PDGFC: variants seen among roughly 807,000 people sequenced by gnomAD.
PDGFC encodes the protein platelet derived growth factor C, also known as platelet-derived growth factor C.
PDGFC carries 12 observed loss-of-function variants against 35.5 expected under a neutral mutation model. That is an observed-to-expected ratio of 0.34 (90% CI 0.22 to 0.55). The LOEUF is 0.55. PDGFC is among the 20% of genes least tolerant of loss of function. The pLI is 0.91. For missense variants in PDGFC, 322 were observed against 412.4 expected (o/e 0.78, Z 1.90); for synonymous variants, 159 against 148.8 (o/e 1.07, Z -0.50).
At chr4:156,795,284 G>A (rs1200893250) in intron 3 of PDGFC, among the ~76,000 whole-genome samples, 1 of 150,428 alleles carries the variant, frequency 6.6e-6, no homozygotes, top group Non-Finnish European at 1.5e-5. Context: ...GTTAAGTCAG[G>A]TATGAGAGAG....
chr4:156,970,765 G>A (rs1423189137), intron 1 of PDGFC, 21 bp downstream of exon 1: 3 of 1,401,210 alleles, frequency 2.1e-6, no homozygotes, highest in Middle Eastern at 1.8e-4. Context: ...CAAGCAGGGG[G>A]AGAATGGGGG....
chr4:156,832,943 G>A (rs1728980970), intron 2 of PDGFC, among the ~76,000 whole-genome samples: 1 of 152,112 alleles, frequency 6.6e-6, no homozygotes, highest in South Asian at 2.1e-4. Context: ...TCTGGCTTAC[G>A]GGTTGGTATT....
In PDGFC at chr4:156,763,056, C is replaced by G. The variant is rs1173680837; in HGVS notation, c.*34G>C. ...TAATAGAATCAGCCACTGCACTGCA[C>G]AGCTCTGGGCAAGAGCTGCTGGTGG... On this transcript the variant is annotated 3_prime_UTR_variant, in exon 6 of 6. Transcript: ENST00000502773. 1 of 1,104,316 alleles carries G rather than the reference C, an allele frequency of 9.1e-7. No homozygotes were observed. The highest frequency in any genetic ancestry group is 1.7e-5 in the Admixed American group (1 of 59,418). The allele number at this position is 1,104,316 out of a possible 1,614,324, so 68.4% of individuals were successfully genotyped here.
chr4:156,908,207 A>G (rs1236518281), intron 1 of PDGFC, among the ~76,000 whole-genome samples: 2 of 152,290 alleles, frequency 1.3e-5, no homozygotes, highest in African/African-American at 4.8e-5. Context: ...ATCTCATTTA[A>G]CAAAACAAAG....
chr4:156,899,183 T>C (rs1373422678), intron 1 of PDGFC, among the ~76,000 whole-genome samples: 1 of 152,160 alleles, frequency 6.6e-6, no homozygotes, highest in Non-Finnish European at 1.5e-5. Flanking sequence ...AGTTCCAAAA[T>C]GCAAAACTTG....
intron 1 of PDGFC, among the ~76,000 whole-genome samples, chr4:156,905,655 T>A (rs992993254): frequency 3.3e-5 from 5 of 152,064 alleles, no homozygotes; most frequent in Non-Finnish European, 7.4e-5. Context: ...TCTAGTTCTC[T>A]CTCCTGTCAA....
intron 1 of PDGFC, among the ~76,000 whole-genome samples, chr4:156,968,891 T>A (rs1732525559): frequency 6.6e-6 from 1 of 152,166 alleles, no homozygotes; most frequent in Non-Finnish European, 1.5e-5. Context: ...AGAATGTGTG[T>A]GGCCTGGCTT....
In PDGFC at chr4:156,970,673, T is replaced by C. The variant is rs952003775; in HGVS notation, c.118+113A>G. 8.4e-5 allele frequency: 61 copies of C among 725,012 alleles called. No individual in the cohort carries two copies. The African/African-American group carries it at 1.0e-3, about 12-fold the overall frequency. The allele number at this position is 725,012 out of a possible 1,614,324, so 44.9% of individuals were successfully genotyped here. On this transcript the variant is annotated intron_variant, in intron 1 of 5. Transcript: ENST00000502773. The stretch of plus-strand genomic sequence containing the variant: ...GAACGCAGCGCACATTTGCATGTAA[T>C]GAGAGACCAAAGATACCTTCACAGT...
intron 3 of PDGFC, among the ~76,000 whole-genome samples, chr4:156,809,145 AAGCCTGGCTC>A (rs1446979207): frequency 5.9e-5 from 9 of 152,000 alleles, no homozygotes; most frequent in Non-Finnish European, 1.0e-4. Context: ...TTGCCACACA[AAGCCTGGCTC>A]AATAGAGTCC....
intron 2 of PDGFC, among the ~76,000 whole-genome samples, chr4:156,816,014 T>C (rs1028608026): frequency 6.6e-6 from 1 of 152,174 alleles, no homozygotes; most frequent in Non-Finnish European, 1.5e-5. Flanking sequence ...CATGTGGGAA[T>C]TAGAAAACTG....
intron 1 of PDGFC, among the ~76,000 whole-genome samples, chr4:156,902,731 C>A (rs1377875352): frequency 6.6e-6 from 1 of 152,102 alleles, no homozygotes; most frequent in Non-Finnish European, 1.5e-5. Flanking sequence ...GCATTCTATA[C>A]CCCAGCCAAA....
rs1560895649 is a variant in PDGFC at position 156,968,539 on chromosome 4, C to T, written c.118+2247G>A. Among the ~76,000 whole-genome samples, 4 of 152,246 alleles carry T rather than the reference C, an allele frequency of 2.6e-5. 1 individual carries two copies. In the Middle Eastern group the frequency reaches 0.01, roughly 388 times the overall value. On this transcript the variant is annotated intron_variant, in intron 1 of 5. Transcript: ENST00000502773. ...GAAGAAGTAGAAGTAGTAGTAGTAA[C>T]GGTAATGGTAGTAGCTCTAACAAAT...
intron 1 of PDGFC, among the ~76,000 whole-genome samples, chr4:156,941,465 A>G (rs1401824300): frequency 6.6e-6 from 1 of 152,176 alleles, no homozygotes; most frequent in African/African-American, 2.4e-5. Flanking sequence ...ACATCCAAAC[A>G]GCTTTCACAG....
chr4:156,959,061 T>C (rs918047881), intron 1 of PDGFC, among the ~76,000 whole-genome samples: 1 of 152,080 alleles, frequency 6.6e-6, no homozygotes, highest in African/African-American at 2.4e-5. Flanking sequence ...AAGGAAAATT[T>C]CTATTTCAAT....
intron 1 of PDGFC, among the ~76,000 whole-genome samples, chr4:156,915,995 T>C (rs150067382): frequency 1.2e-3 from 176 of 152,152 alleles, no homozygotes; most frequent in African/African-American, 4.0e-3. Flanking sequence ...TAACTCTATA[T>C]TCCTTTCTAA....
chr4:156,880,659 TC>T (rs1439982617), intron 1 of PDGFC, among the ~76,000 whole-genome samples: 1 of 152,222 alleles, frequency 6.6e-6, no homozygotes, highest in Non-Finnish European at 1.5e-5. Context: ...AGATAGTGAT[TC>T]CTCAGATGGA....
intron 3 of PDGFC, among the ~76,000 whole-genome samples, chr4:156,805,084 C>T (rs904396116): frequency 3.3e-5 from 5 of 151,922 alleles, no homozygotes; most frequent in African/African-American, 1.2e-4. Flanking sequence ...AACAGAGACA[C>T]CATGATCGTC....
At chr4:156,910,648 C>T (rs901519545) in intron 1 of PDGFC, among the ~76,000 whole-genome samples, 17 of 152,140 alleles carry the variant, frequency 1.1e-4, no homozygotes, top group Admixed American at 1.1e-3. Flanking sequence ...GTAGCATTTA[C>T]ATCCACCAGT....
chr4:156,819,940 G>A (rs1732201398), intron 2 of PDGFC, among the ~76,000 whole-genome samples: 1 of 152,190 alleles, frequency 6.6e-6, no homozygotes, highest in African/African-American at 2.4e-5. Context: ...GAAGAAACTG[G>A]TTCCAATCTT....
Sources: allele counts gnomAD v4.1 joint callset (sites outside exome capture counted in the v4.1 genomes callset), GRCh38; gene constraint gnomAD v4.1.1; transcripts MANE v1.5; gene names NCBI Gene and HGNC (gene_info 2026-07-23, HGNC 2026-07-21).